The following ST6GAL2 variants were observed in gnomAD, a reference collection of about 807,000 sequenced individuals.
ST6GAL2 encodes beta-galactoside alpha-2,6-sialyltransferase 2.
Under a neutral mutation model 37.5 loss-of-function variants are expected in ST6GAL2, and 24 were observed. That is an observed-to-expected ratio of 0.64 (90% CI 0.46 to 0.90). The LOEUF (loss-of-function observed/expected upper bound fraction) is 0.90, where lower values mean the gene tolerates loss of function less well. ST6GAL2 is among the 40% of genes least tolerant of loss of function. The probability of loss-of-function intolerance (pLI) is 0.00; values close to 1 mark genes in which losing one functional copy is unlikely to be tolerated. For synonymous variants in ST6GAL2, 306 were observed against 295.1 expected, an observed-to-expected ratio of 1.04 and a Z score of -0.38; for missense variants, 715 against 712.7, an observed-to-expected ratio of 1.00 and a Z score of -0.04.
intron 1 of ST6GAL2, among the ~76,000 whole-genome samples, chr2:106,862,636 G>C (rs1325532441): frequency 6.6e-6 from 1 of 151,628 alleles, no homozygotes; most frequent in Non-Finnish European, 1.5e-5. Flanking sequence ...AAAAAAAAAA[G>C]CATTTCTGTC....
intron 5 of ST6GAL2, chr2:106,813,044 A>T: frequency 1.1e-5 from 13 of 1,229,218 alleles, no homozygotes; most frequent in Non-Finnish European, 1.2e-5. Context: ...TTTCAAGCCA[A>T]TCAAATGGGT....
At chr2:106,816,310 A>G (rs1373244359) in intron 5 of ST6GAL2, among the ~76,000 whole-genome samples, 6 of 152,224 alleles carry the variant, frequency 3.9e-5, no homozygotes, top group Non-Finnish European at 8.8e-5. Flanking sequence ...ACATACGTTA[A>G]TAAAATGGGA....
chr2:106,855,488 A>C (rs1677538234), intron 1 of ST6GAL2, among the ~76,000 whole-genome samples: 1 of 152,240 alleles, frequency 6.6e-6, no homozygotes, highest in South Asian at 2.1e-4. Flanking sequence ...AAAATGTTTA[A>C]ACACATAATA....
intron 1 of ST6GAL2, among the ~76,000 whole-genome samples, chr2:106,854,360 T>G (rs574230127): frequency 5.0e-4 from 76 of 152,344 alleles, no homozygotes; most frequent in Non-Finnish European, 9.4e-4. Flanking sequence ...ATGAGATGAA[T>G]GAATAAAGTA....
Position 106,843,426 on chromosome 2 carries a change from G to C in ST6GAL2, c.552C>G (p.His184Gln), listed in dbSNP as rs185101731. The change falls in exon 2 of 6, where the codon CAC (histidine) becomes CAG (glutamine). Residue 184 changes from histidine to glutamine, a missense_variant. This residue lies in a region of ST6GAL2 where 512 missense variants were observed against 488.8 expected (regional missense o/e 1.05). Transcript: ENST00000409382. ...KKRHRRQRRS[H>Q]VLEEGDDGDR... is the part of the protein sequence containing the mutation. ...CGCCGTCGTCGCCCTCCTCCAACACGTGGCTCCTTCTCTGCCTCCGGTGCC... is the reference window on the plus strand; with the variant it reads ...CGCCGTCGTCGCCCTCCTCCAACACCTGGCTCCTTCTCTGCCTCCGGTGCC... 1.4e-5 allele frequency: 22 copies of C among 1,614,070 alleles called. No homozygotes were observed. In the African/African-American group the frequency reaches 2.8e-4, roughly 21 times the overall value.
intron 1 of ST6GAL2, 44 bp from the exon 2 acceptor site, chr2:106,844,078 C>A: frequency 4.3e-6 from 4 of 919,964 alleles, no homozygotes; most frequent in Non-Finnish European, 6.5e-6. Flanking sequence ...GGGGCATCTG[C>A]TCAGATGCTG....
At chr2:106,811,661 C>T (rs1675614983) in intron 5 of ST6GAL2, among the ~76,000 whole-genome samples, 1 of 151,946 alleles carries the variant, frequency 6.6e-6, no homozygotes, top group Admixed American at 6.6e-5. Flanking sequence ...TATGAACTAC[C>T]ACCAGATCTC....
chr2:106,843,833 T>G lies in ST6GAL2; in HGVS notation c.145A>C (p.Arg49=). ...VPSSLSFLET[R]RLLPVQGKQR... ...TTCCCCTGCACCGGCAGGAGCCTCC[T>G]GGTCTCCAGGAAGGAGAGGGAGCTG... The change falls in exon 2 of 6, where the codon AGG becomes CGG. Residue 49 remains arginine (R), a synonymous_variant. Transcript: ENST00000409382. 2 of 1,612,236 alleles carry G rather than the reference T, an allele frequency of 1.2e-6. No homozygotes were observed. Among genetic ancestry groups the G allele is most frequent in the Non-Finnish European group, 1.7e-6 (2 of 1,179,454 alleles).
chr2:106,863,772 G>A (rs942166290), intron 1 of ST6GAL2, among the ~76,000 whole-genome samples: 6 of 152,202 alleles, frequency 3.9e-5, no homozygotes, highest in African/African-American at 1.4e-4. Flanking sequence ...GGGATCGATA[G>A]AGACTGGGTA....
intron 5 of ST6GAL2, chr2:106,812,954 A>G (rs74455618): frequency 0.011 from 10,173 of 919,856 alleles, 104 homozygotes; most frequent in African/African-American, 0.025. Flanking sequence ...CTTTATCACT[A>G]ATGAAAGTTT....
intron 1 of ST6GAL2, among the ~76,000 whole-genome samples, chr2:106,854,306 G>T (rs1177520052): frequency 6.6e-6 from 1 of 152,208 alleles, no homozygotes; most frequent in Non-Finnish European, 1.5e-5. Context: ...TTTCGGATAA[G>T]CCTCAGTTTC....
At chr2:106,825,635 T>C (rs1183463549) in intron 5 of ST6GAL2, among the ~76,000 whole-genome samples, 1 of 152,274 alleles carries the variant, frequency 6.6e-6, no homozygotes, top group Non-Finnish European at 1.5e-5. Context: ...TTATTATTTG[T>C]ATCTGCTATG....
At chr2:106,875,307 A>G (rs10194914) in intron 1 of ST6GAL2, among the ~76,000 whole-genome samples, 132,350 of 151,732 alleles carry the variant, frequency 0.87, 57,895 homozygotes, top group East Asian at 0.98. Context: ...CTCCAGAGTA[A>G]CTGGGACCAC....
At chr2:106,856,800 T>C (rs1214431008) in intron 1 of ST6GAL2, among the ~76,000 whole-genome samples, 1 of 152,178 alleles carries the variant, frequency 6.6e-6, no homozygotes, top group African/African-American at 2.4e-5. Flanking sequence ...CCCAGTGTTG[T>C]TGAAAATAAC....
intron 1 of ST6GAL2, among the ~76,000 whole-genome samples, chr2:106,851,228 G>C (rs1440088411): frequency 1.3e-5 from 2 of 152,156 alleles, no homozygotes; most frequent in Admixed American, 1.3e-4. Flanking sequence ...TTCTGGCCAG[G>C]CCTCTAGGGA....
intron 2 of ST6GAL2, among the ~76,000 whole-genome samples, chr2:106,835,802 T>C (rs1214704142): frequency 2.6e-5 from 4 of 152,260 alleles, no homozygotes; most frequent in Non-Finnish European, 5.9e-5. Flanking sequence ...CAAGGGGATC[T>C]ATTCTTTGTG....
intron 5 of ST6GAL2, among the ~76,000 whole-genome samples, chr2:106,815,290 T>C (rs1431227963): frequency 6.6e-6 from 1 of 152,230 alleles, no homozygotes; most frequent in African/African-American, 2.4e-5. Context: ...TGGGAATTTA[T>C]CTTAAGGAAA....
intron 1 of ST6GAL2, among the ~76,000 whole-genome samples, chr2:106,885,308 A>C (rs1374334208): frequency 5.9e-5 from 9 of 152,102 alleles, no homozygotes; most frequent in Non-Finnish European, 2.9e-5. Flanking sequence ...AATAAAAATA[A>C]GTTCACAAAA....
intron 1 of ST6GAL2, among the ~76,000 whole-genome samples, chr2:106,884,932 T>TATATATATATATAC (rs1678908337): frequency 8.7e-6 from 1 of 115,468 alleles, no homozygotes; most frequent in Non-Finnish European, 1.7e-5. Context: ...TATATATATA[T>TATATATATATATAC]ATACATACAC....
Sources: gnomAD v4.1 joint callset for allele counts (sites outside exome capture counted in the v4.1 genomes callset) on GRCh38, gnomAD v4.1.1 for gene constraint, gnomAD v4.1.1 regional missense constraint, MANE v1.5 for transcripts, NCBI Gene and HGNC (gene_info 2026-07-23, HGNC 2026-07-21) for gene names.